The following CDH18 variants were observed in gnomAD, a reference collection of about 807,000 sequenced individuals.
The protein encoded by CDH18 is cadherin-18.
Under a neutral mutation model 67.9 loss-of-function variants are expected in CDH18, and 31 were observed. The ratio of observed to expected loss-of-function variants is 0.46; its 90% CI spans 0.34 to 0.62. The LOEUF (loss-of-function observed/expected upper bound fraction) is 0.62, where lower values mean the gene tolerates loss of function less well. Ranked by LOEUF, CDH18 falls within the 20% of genes least tolerant of loss-of-function variation. The probability of loss-of-function intolerance (pLI) is 0.01; values close to 1 mark genes in which losing one functional copy is unlikely to be tolerated. For missense variants in CDH18, 890 were observed against 975.5 expected (o/e 0.91, Z 1.17); for synonymous variants, 362 against 347.2 (o/e 1.04, Z -0.48).
rs35282241 is a variant in CDH18 at position 20,334,753 on chromosome 5, TACACAC to T, written c.-579-79254_-579-79249del. 6.2e-3 allele frequency among the ~76,000 whole-genome samples: 864 copies of T among 138,420 alleles called. 18 individuals are homozygous for T. The highest frequency in any genetic ancestry group is 0.049 in the South Asian group (198 of 4,030). 90.8% of individuals were successfully genotyped at this position (138,420 alleles called of 152,430 possible). ...GATCTCTCTCTCTCTCTCTCTCTCA[TACACAC>T]ACACACACACACACACACACACACA... On this transcript the variant is annotated intron_variant, in intron 1 of 14. Transcript: ENST00000507958.
chr5:19,496,209 C>G (rs1039792905), intron 11 of CDH18, among the ~76,000 whole-genome samples: 1 of 152,142 alleles, frequency 6.6e-6, no homozygotes. Flanking sequence ...CTTCTAAAAA[C>G]AGACAAATCA....
chr5:20,418,242 A>ATTTTTTTTTT (rs58308147), intron 1 of CDH18, among the ~76,000 whole-genome samples: 2,063 of 56,788 alleles, frequency 0.036, 343 homozygotes, highest in African/African-American at 0.11. Flanking sequence ...CTGCTGGCTA[A>ATTTTTTTTTT]TTTTTTTTTT....
intron 2 of CDH18, among the ~76,000 whole-genome samples, chr5:19,888,475 C>A (rs1177325510): frequency 6.6e-6 from 1 of 151,918 alleles, no homozygotes; most frequent in African/African-American, 2.4e-5. Flanking sequence ...GATACTCACA[C>A]ACCACACATA....
At position 20,237,481 on chromosome 5, in the gene CDH18, T is replaced by C. The variant is rs1474814685; in HGVS notation, c.-518+17963A>G. 2.0e-5 allele frequency among the ~76,000 whole-genome samples: 3 copies of C among 151,878 alleles called. No homozygotes were observed. The East Asian group carries it at 5.8e-4, about 29-fold the overall frequency. On this transcript the variant is annotated intron_variant, in intron 2 of 14. Coordinates refer to the CDH18 transcript ENST00000507958. ...CTTAATAACAAGTAAATTTGCAAGA[T>C]ATAAAATCAAACACAAAGAAAATCC... is the stretch of plus-strand genomic sequence containing the variant.
chr5:19,823,798 C>G (rs555186371), intron 3 of CDH18, among the ~76,000 whole-genome samples: 1 of 152,274 alleles, frequency 6.6e-6, no homozygotes. Flanking sequence ...ACACACAGAA[C>G]ACACTCTAAG....
At chr5:20,050,797 C>G (rs2150489643) in intron 2 of CDH18, among the ~76,000 whole-genome samples, 1 of 151,906 alleles carries the variant, frequency 6.6e-6, no homozygotes, top group South Asian at 2.1e-4. Context: ...TGATTCTAAC[C>G]AAGAAAGTTC....
At chr5:19,532,435 A>G (rs927401166) in intron 9 of CDH18, among the ~76,000 whole-genome samples, 1 of 152,182 alleles carries the variant, frequency 6.6e-6, no homozygotes, top group Non-Finnish European at 1.5e-5. Context: ...ACCCAGAACT[A>G]AGGTGAAAAC....
chr5:19,666,576 C>G (rs1299408327), intron 5 of CDH18, among the ~76,000 whole-genome samples: 1 of 151,968 alleles, frequency 6.6e-6, no homozygotes, highest in Non-Finnish European at 1.5e-5. Flanking sequence ...TGAATCTGGA[C>G]AGGTTGAACT....
intron 6 of CDH18, among the ~76,000 whole-genome samples, chr5:19,604,745 A>G (rs1383959134): frequency 6.6e-6 from 1 of 152,110 alleles, no homozygotes; most frequent in Non-Finnish European, 1.5e-5. Flanking sequence ...CTCTATCAGA[A>G]TCTTTACTGT....
chr5:19,911,185 T>C (rs1791101488), intron 2 of CDH18, among the ~76,000 whole-genome samples: 1 of 152,158 alleles, frequency 6.6e-6, no homozygotes, highest in South Asian at 2.1e-4. Context: ...TTTTGGATTA[T>C]ACTCCTCTCC....
chr5:20,118,950 T>C (rs967294227), intron 2 of CDH18, among the ~76,000 whole-genome samples: 1 of 152,108 alleles, frequency 6.6e-6, no homozygotes, highest in African/African-American at 2.4e-5. Context: ...GGTGAACAAA[T>C]CAACCCGTAC....
intron 7 of CDH18, among the ~76,000 whole-genome samples, chr5:19,585,696 A>C (rs1403696880): frequency 6.6e-6 from 1 of 152,128 alleles, no homozygotes; most frequent in East Asian, 1.9e-4. Context: ...CTTAAAATTA[A>C]AACATTTATT....
chr5:20,277,190 C>T (rs1041449864), intron 1 of CDH18, among the ~76,000 whole-genome samples: 68 of 152,224 alleles, frequency 4.5e-4, no homozygotes, highest in African/African-American at 1.6e-3. Flanking sequence ...TACTGCAGGC[C>T]TTCGGTGAGA....
At chr5:20,197,698 T>C (rs549088920) in intron 2 of CDH18, among the ~76,000 whole-genome samples, 27 of 152,306 alleles carry the variant, frequency 1.8e-4, no homozygotes, top group Middle Eastern at 3.4e-3. Flanking sequence ...GTCAGAATAC[T>C]GTATGACTGT....
In CDH18 at chr5:19,747,011, T is replaced by C. The variant is rs752766605; in HGVS notation, c.454A>G (p.Ile152Val). ...ESEFIIKVQD[I>V]NDNAPKFTDG... ...GTGAATTTTGGAGCGTTGTCATTGA[T>C]GTCTTGCACTTTGATGATGAACTCG... Residue 152 changes from isoleucine (I) to valine (V), a missense_variant, in exon 4 of 13, where the codon ATC (isoleucine) becomes GTC (valine). Transcript: ENST00000382275. 1 of 1,614,162 alleles carries C rather than the reference T, an allele frequency of 6.2e-7. No homozygotes were observed. The highest frequency in any genetic ancestry group is 8.5e-7 in the Non-Finnish European group (1 of 1,180,004).
At chr5:20,035,112 A>G (rs2150459696) in intron 2 of CDH18, among the ~76,000 whole-genome samples, 1 of 152,158 alleles carries the variant, frequency 6.6e-6, no homozygotes, top group South Asian at 2.1e-4. Context: ...TGGGTCCTCC[A>G]GCAATTATAA....
intron 1 of CDH18, among the ~76,000 whole-genome samples, chr5:20,348,859 AAAC>A (rs1223538670): frequency 2.0e-5 from 3 of 152,138 alleles, no homozygotes; most frequent in Non-Finnish European, 4.4e-5. Flanking sequence ...TCAAAAAACT[AAAC>A]AAAAACTTAC....
chr5:19,715,260 T>G (rs1014513150), intron 5 of CDH18, among the ~76,000 whole-genome samples: 1 of 152,188 alleles, frequency 6.6e-6, no homozygotes, highest in Non-Finnish European at 1.5e-5. Flanking sequence ...TTTAACTACT[T>G]TATGCAGACT....
chr5:20,111,546 CTTTTTTTTTTT>C (rs760458451), intron 2 of CDH18, among the ~76,000 whole-genome samples: 2 of 51,940 alleles, frequency 3.9e-5, no homozygotes, highest in African/African-American at 6.1e-5. Flanking sequence ...TTCCTTCTTT[CTTTTTTTTTTT>C]TTTTTTTTTT....
Sources: gnomAD v4.1 joint callset for allele counts (sites outside exome capture counted in the v4.1 genomes callset) on GRCh38, gnomAD v4.1.1 for gene constraint, MANE v1.5 for transcripts, NCBI Gene and HGNC (gene_info 2026-07-23, HGNC 2026-07-21) for gene names.